Variants in CCDC150 observed in about 807,000 individuals in gnomAD.
CCDC150 encodes the protein coiled-coil domain containing 150, also known as coiled-coil domain-containing protein 150.
Under a neutral mutation model 156.5 loss-of-function variants are expected in CCDC150, and 151 were observed. That is an observed-to-expected ratio of 0.97 (90% CI 0.85 to 1.10). CCDC150 has a LOEUF of 1.10. Among genes scored for constraint, CCDC150 ranks in the 50% least tolerant of loss-of-function variants. The probability of loss-of-function intolerance (pLI) is 0.00; values close to 1 mark genes in which losing one functional copy is unlikely to be tolerated. For synonymous variants in CCDC150, 452 were observed against 429.4 expected (o/e 1.05, Z -0.65); for missense variants, 1,312 against 1,268.1 (o/e 1.03, Z -0.53).
chr2:196,673,498 C>T (rs1694326684), intron 9 of CCDC150, among the ~76,000 whole-genome samples: 1 of 152,152 alleles, frequency 6.6e-6, no homozygotes, highest in South Asian at 2.1e-4. Context: ...CTGCCCATAC[C>T]ACTTGTGATG....
chr2:196,643,347 G>A (rs913812236), intron 1 of CCDC150, among the ~76,000 whole-genome samples: 1 of 152,182 alleles, frequency 6.6e-6, no homozygotes, highest in Non-Finnish European at 1.5e-5. Flanking sequence ...AAGCTTCAGT[G>A]TAGAGCAGGG....
At chr2:196,709,843 A>C (rs1575919336) in intron 15 of CCDC150, among the ~76,000 whole-genome samples, 1 of 152,234 alleles carries the variant, frequency 6.6e-6, no homozygotes, top group South Asian at 2.1e-4. Flanking sequence ...CGGAGGCTGC[A>C]GAACAGCAAA....
In CCDC150 at chr2:196,676,207, C is replaced by T; in HGVS notation, c.1202C>T (p.Ala401Val). 2 of 1,613,352 alleles carry T rather than the reference C, an allele frequency of 1.2e-6. No homozygotes were observed. Among genetic ancestry groups the T allele is most frequent in the Non-Finnish European group, 1.7e-6 (2 of 1,179,390 alleles). The stretch of plus-strand genomic sequence containing the variant: ...AACTTATTGCTGGATGCAGCCCATG[C>T]CAGTATCACAAATGAACTACAGACT... ...EQNLLLDAAHASITNELQTVQ... is the reference protein window; with the variant it reads ...EQNLLLDAAHVSITNELQTVQ... The change falls in exon 11 of 28, where the codon GCC (alanine) becomes GTC (valine). Residue 401 changes from alanine (A) to valine (V), a missense_variant. Coordinates refer to ENST00000389175, the MANE Select transcript of CCDC150 (RefSeq NM_001080539.2).
chr2:196,724,111 A>G (rs1178717712), intron 21 of CCDC150, among the ~76,000 whole-genome samples: 1 of 152,198 alleles, frequency 6.6e-6, no homozygotes, highest in African/African-American at 2.4e-5. Flanking sequence ...GAAGACTGTT[A>G]AGGAGGCTGA....
At chr2:196,732,265 T>C in intron 27 of CCDC150, 113 bp downstream of exon 27, 1 of 1,292,790 alleles carries the variant, frequency 7.7e-7, no homozygotes, top group Non-Finnish European at 1.1e-6. Flanking sequence ...CTTTAGTTTC[T>C]TTAGACTAAT....
chr2:196,641,029 C>G (rs1692191681), intron 1 of CCDC150, among the ~76,000 whole-genome samples: 1 of 152,146 alleles, frequency 6.6e-6, no homozygotes, highest in Non-Finnish European at 1.5e-5. Context: ...GTGCAGCAGT[C>G]TCAGCTCACT....
At chr2:196,646,199 A>G in intron 1 of CCDC150, 142 bp from the exon 2 acceptor site, 2 of 658,184 alleles carry the variant, frequency 3.0e-6, no homozygotes, top group Non-Finnish European at 5.2e-6. Context: ...ACTTCCACCT[A>G]CATTTAATTG....
chr2:196,664,683 G>T (rs1693740337), intron 5 of CCDC150, among the ~76,000 whole-genome samples: 1 of 152,146 alleles, frequency 6.6e-6, no homozygotes, highest in African/African-American at 2.4e-5. Flanking sequence ...CCTCGTTAGA[G>T]GTTGAGAGGA....
At position 196,669,813 on chromosome 2, in the gene CCDC150, T is replaced by G. The variant is rs750284212; in HGVS notation, c.893-20T>G. On this transcript the variant is annotated intron_variant, in intron 7 of 27. Coordinates refer to ENST00000389175, the MANE Select transcript of CCDC150 (RefSeq NM_001080539.2). ...TAGCAAGTTACTATTATCATAGTTA[T>G]GTGGAATTTTTGTTTTTAGCTTCTA... is the stretch of plus-strand genomic sequence containing the variant. 1 of 1,537,886 alleles carries G rather than the reference T, an allele frequency of 6.5e-7. No homozygotes were observed. The highest frequency in any genetic ancestry group is 9.0e-7 in the Non-Finnish European group (1 of 1,115,258).
At chr2:196,643,548 A>G (rs888649413) in intron 1 of CCDC150, among the ~76,000 whole-genome samples, 4 of 152,236 alleles carry the variant, frequency 2.6e-5, no homozygotes, top group Admixed American at 6.5e-5. Flanking sequence ...TATCAACAAA[A>G]CTAAACATTT....
intron 2 of CCDC150, among the ~76,000 whole-genome samples, chr2:196,651,795 A>G (rs1692891706): frequency 6.6e-6 from 1 of 152,200 alleles, no homozygotes; most frequent in Admixed American, 6.5e-5. Context: ...TGGGTAATTT[A>G]TAAAGAAAAG....
rs759255228 is a variant in CCDC150, at chr2:196,666,763, A to G, written c.807A>G (p.Ile269Met). Residue 269 changes from isoleucine (I) to methionine (M), a missense_variant, in exon 7 of 28, where the codon ATA becomes ATG. Physicochemically the swap from Ile to Met is conservative, Grantham distance 10. Coordinates refer to ENST00000389175, the MANE Select transcript of CCDC150 (RefSeq NM_001080539.2). The part of the protein sequence containing the change: ...QQNCIALRDS[I>M]QSAQELLAQE... ...ACTGCATTGCTCTACGTGATTCTAT[A>G]CAGAGCGCTCAAGAACTACTGGCCC... 19 of 1,612,864 alleles carry G rather than the reference A, an allele frequency of 1.2e-5. No homozygotes were observed. The highest frequency in any genetic ancestry group is 1.4e-5 in the Non-Finnish European group (16 of 1,179,160).
chr2:196,719,856 A>G (rs186426368), intron 19 of CCDC150, 190 bp downstream of exon 19: 9 of 432,292 alleles, frequency 2.1e-5, no homozygotes, highest in South Asian at 4.2e-5. Flanking sequence ...CAAAAATTCA[A>G]AATGCCCCTA....
In CCDC150 at chr2:196,665,700, T is replaced by A. The variant is rs1693806154; in HGVS notation, c.762+17T>A. ...CGAAAACAGGTAGAAAGATTTCTTCTCCTTATGTGGTTTGGGAAATGAAAC... is the reference window on the plus strand; with the variant it reads ...CGAAAACAGGTAGAAAGATTTCTTCACCTTATGTGGTTTGGGAAATGAAAC... On this transcript the variant is annotated intron_variant, in intron 6 of 27. Coordinates refer to ENST00000389175, the MANE Select transcript of CCDC150 (RefSeq NM_001080539.2). The A allele has an allele frequency of 3.4e-6, 5 of 1,475,610 alleles. No homozygotes were observed. The highest frequency in any genetic ancestry group is 1.7e-4 in the Middle Eastern group (1 of 5,814). 91.4% of individuals were successfully genotyped at this position (1,475,610 alleles called of 1,614,324 possible). A position where few individuals can be genotyped will look rare whatever the true frequency, so the allele number is the denominator to read the frequency against.
intron 17 of CCDC150, among the ~76,000 whole-genome samples, chr2:196,717,333 A>G (rs1697586018): frequency 6.6e-6 from 1 of 152,194 alleles, no homozygotes; most frequent in Non-Finnish European, 1.5e-5. Flanking sequence ...AGATAGCACA[A>G]GGGAATTCTT....
intron 13 of CCDC150, among the ~76,000 whole-genome samples, chr2:196,681,396 A>G (rs1410586268): frequency 6.6e-6 from 1 of 152,100 alleles, no homozygotes; most frequent in Non-Finnish European, 1.5e-5. Context: ...GAACATTTAC[A>G]CTGTTTTTAC....
intron 5 of CCDC150, among the ~76,000 whole-genome samples, chr2:196,663,746 A>G (rs183575770): frequency 7.3e-4 from 111 of 152,250 alleles, no homozygotes; most frequent in Non-Finnish European, 1.2e-3. Flanking sequence ...TTTAACCTTT[A>G]AAAAATGTTT....
chr2:196,683,534 T>C (rs1453050326), intron 13 of CCDC150, among the ~76,000 whole-genome samples: 2 of 152,086 alleles, frequency 1.3e-5, no homozygotes, highest in East Asian at 3.8e-4. Context: ...AACCATTTGG[T>C]AAGTATTCCC....
chr2:196,729,476 C>T, intron 23 of CCDC150, 89 bp downstream of exon 23: 1 of 1,288,348 alleles, frequency 7.8e-7, no homozygotes, highest in Non-Finnish European at 1.1e-6. Context: ...TTTTAGAACC[C>T]TAGCAGCCCC....
Sources: gnomAD v4.1 joint callset for allele counts (sites outside exome capture counted in the v4.1 genomes callset) on GRCh38, gnomAD v4.1.1 for gene constraint, MANE v1.5 for transcripts, NCBI Gene and HGNC (gene_info 2026-07-23, HGNC 2026-07-21) for gene names.